STK32B: variants seen among roughly 807,000 people sequenced by gnomAD.
STK32B encodes the protein serine/threonine-protein kinase 32B.
A neutral mutation model predicts 52.6 loss-of-function variants in STK32B; 43 were observed. The ratio of observed to expected loss-of-function variants is 0.82; its 90% confidence interval spans 0.64 to 1.05. The LOEUF (loss-of-function observed/expected upper bound fraction) is 1.05, where lower values mean the gene tolerates loss of function less well. Ranked by LOEUF, STK32B falls within the 50% of genes least tolerant of loss-of-function variation. STK32B has a pLI of 0.00. For synonymous variants in STK32B, 238 were observed against 204.3 expected (o/e 1.17, Z -1.41); for missense variants, 621 against 534.6 (o/e 1.16, Z -1.59).
chr4:5,296,078 G>T lies in STK32B; in HGVS notation c.261-35142G>T, dbSNP rs147519630. On this transcript the variant is annotated intron_variant, in intron 3 of 11. Coordinates refer to ENST00000282908, the MANE Select transcript of STK32B (RefSeq NM_018401.3). Reference sequence around the variant, plus strand: ...TTTCCATGTAGTCGTGTGGTTTTGAGTGAGTTTCTTAATCTGGAGTTCTAA... The same window carrying T: ...TTTCCATGTAGTCGTGTGGTTTTGATTGAGTTTCTTAATCTGGAGTTCTAA... Among the ~76,000 whole-genome samples the T allele has an allele frequency of 2.2e-3, 334 of 152,288 alleles. 1 individual carries two copies. Among genetic ancestry groups the T allele is most frequent in the African/African-American group, 7.7e-3 (320 of 41,562 alleles).
intron 3 of STK32B, among the ~76,000 whole-genome samples, chr4:5,296,685 C>T (rs190568543): frequency 1.6e-3 from 249 of 152,212 alleles, no homozygotes; most frequent in African/African-American, 5.7e-3. Flanking sequence ...TCTCCTGAAT[C>T]CAGCACACTG....
chr4:5,383,166 G>T (rs11724498), intron 4 of STK32B, among the ~76,000 whole-genome samples: 38,333 of 152,108 alleles, frequency 0.25, 5,745 homozygotes, highest in African/African-American at 0.43. Context: ...GGTGAGTGTG[G>T]GTGTCCGGGC....
chr4:5,481,717 G>T (rs1233459137), intron 11 of STK32B, among the ~76,000 whole-genome samples: 3 of 152,076 alleles, frequency 2.0e-5, no homozygotes, highest in Non-Finnish European at 2.9e-5. Flanking sequence ...TATGGTTTTA[G>T]GTCTAACATT....
chr4:5,122,842 C>T (rs1279137244), intron 1 of STK32B, among the ~76,000 whole-genome samples: 5 of 152,120 alleles, frequency 3.3e-5, no homozygotes, highest in Admixed American at 2.0e-4. Context: ...ATGATACTCT[C>T]CCTGGTTCTC....
intron 4 of STK32B, among the ~76,000 whole-genome samples, chr4:5,393,733 C>A (rs539909831): frequency 7.2e-5 from 11 of 152,242 alleles, no homozygotes; most frequent in Non-Finnish European, 1.5e-4. Flanking sequence ...TCCTACCAGG[C>A]CCCTCCTCCA....
intron 8 of STK32B, among the ~76,000 whole-genome samples, chr4:5,457,827 G>A (rs1005899743): frequency 1.3e-5 from 2 of 148,650 alleles, no homozygotes; most frequent in South Asian, 2.2e-4. Flanking sequence ...AGCCAAGATC[G>A]CACCATTGCA....
the STK32B span, among the ~76,000 whole-genome samples, chr4:5,031,860 C>T: frequency 2.0e-5 from 3 of 152,108 alleles, no homozygotes; most frequent in Non-Finnish European, 4.4e-5. Flanking sequence ...AAGTGGAGGC[C>T]CAGTTTCAGA....
chr4:5,287,327 A>G (rs971209158), intron 3 of STK32B, among the ~76,000 whole-genome samples: 8 of 151,980 alleles, frequency 5.3e-5, no homozygotes, highest in Admixed American at 3.3e-4. Context: ...GAGGTATCAC[A>G]TTTTCATTTT....
chr4:5,036,725 T>C, the STK32B span, among the ~76,000 whole-genome samples: 1 of 138,580 alleles, frequency 7.2e-6, no homozygotes, highest in Non-Finnish European at 1.5e-5. Context: ...TGGAGTGCCG[T>C]GGCGTGATCT....
chr4:5,293,606 A>G (rs780436606), intron 3 of STK32B, among the ~76,000 whole-genome samples: 7 of 152,076 alleles, frequency 4.6e-5, no homozygotes, highest in Non-Finnish European at 8.8e-5. Context: ...GTGTCTGTTC[A>G]TGTCCTTTGC....
intron 5 of STK32B, among the ~76,000 whole-genome samples, chr4:5,402,490 C>T (rs1431388163): frequency 6.6e-6 from 1 of 152,258 alleles, no homozygotes; most frequent in African/African-American, 2.4e-5. Context: ...TAGTCTTCGT[C>T]CTCTTTGGGA....
chr4:5,022,966 C>T, the STK32B span, among the ~76,000 whole-genome samples: 3 of 151,620 alleles, frequency 2.0e-5, no homozygotes, highest in Middle Eastern at 3.2e-3. Context: ...TGAGAGGTGA[C>T]GAATGCAGTG....
intron 1 of STK32B, among the ~76,000 whole-genome samples, chr4:5,061,208 A>G (rs1216920392): frequency 6.6e-6 from 1 of 152,006 alleles, no homozygotes; most frequent in African/African-American, 2.4e-5. Flanking sequence ...CCTTGTTTTT[A>G]GTCTGAATAT....
At chr4:5,172,648 A>G (rs900084272) in intron 3 of STK32B, among the ~76,000 whole-genome samples, 3 of 152,200 alleles carry the variant, frequency 2.0e-5, no homozygotes, top group Non-Finnish European at 4.4e-5. Flanking sequence ...CTTGCATCCC[A>G]GGGATGAACC....
chr4:5,341,108 G>A (rs1733045906), intron 4 of STK32B, among the ~76,000 whole-genome samples: 1 of 152,174 alleles, frequency 6.6e-6, no homozygotes, highest in South Asian at 2.1e-4. Flanking sequence ...TGCTCATAGA[G>A]TGAGTGCCTG....
At chr4:5,298,731 G>C (rs139960884) in intron 3 of STK32B, among the ~76,000 whole-genome samples, 269 of 152,158 alleles carry the variant, frequency 1.8e-3, no homozygotes, top group Non-Finnish European at 3.3e-3. Flanking sequence ...GGGCTTTGTG[G>C]GGGTGGGACC....
chr4:5,486,878 T>C (rs1270655587), intron 11 of STK32B, among the ~76,000 whole-genome samples: 1 of 152,188 alleles, frequency 6.6e-6, no homozygotes, highest in Non-Finnish European at 1.5e-5. Flanking sequence ...AAATATTACA[T>C]ATTGCTCTTT....
rs996462438 is a variant in STK32B at position 5,467,087 on chromosome 4, C to A, written c.1041+253C>A. On this transcript the variant is annotated intron_variant, in intron 10 of 11. Transcript: ENST00000282908. This position sits in a 1 kb window ranked among gnomAD's most constrained non-coding sequence, Gnocchi z 5.8. ...GTAGCTCTAAGGCAGGGGGAGGGAC[C>A]CAGCGGTCCCACTGCGCCCTTGAGA... Among the ~76,000 whole-genome samples the A allele has an allele frequency of 6.6e-6, 1 of 152,114 alleles. No individual in the cohort carries two copies. The highest frequency in any genetic ancestry group is 1.5e-5 in the Non-Finnish European group (1 of 68,016).
At chr4:5,063,619 T>G (rs1385036970) in intron 1 of STK32B, among the ~76,000 whole-genome samples, 1 of 152,192 alleles carries the variant, frequency 6.6e-6, no homozygotes, top group African/African-American at 2.4e-5. Context: ...CTGGCCAACT[T>G]TCAATGTGTC....
Sources: allele counts gnomAD v4.1 joint callset (sites outside exome capture counted in the v4.1 genomes callset), GRCh38; gene constraint gnomAD v4.1.1; non-coding constraint Gnocchi (gnomAD v3.1); transcripts MANE v1.5; gene names NCBI Gene and HGNC (gene_info 2026-07-23, HGNC 2026-07-21).